Variants in PPIE observed in about 807,000 individuals in gnomAD.
The protein encoded by PPIE is peptidylprolyl isomerase E, also known as peptidyl-prolyl cis-trans isomerase E.
In PPIE, 20 loss-of-function variants were observed where a neutral mutation model predicts 38.4. The observed-to-expected ratio is 0.52, with a 90% CI of 0.37 to 0.76. The LOEUF (loss-of-function observed/expected upper bound fraction) is 0.76. Ranked by LOEUF, PPIE falls within the 30% of genes least tolerant of loss-of-function variation. PPIE has a pLI of 0.00. For missense variants in PPIE, 322 were observed against 385.8 expected (o/e 0.83, Z 1.39); for synonymous variants, 142 against 135.7 (o/e 1.05, Z -0.32).
At chr1:39,738,993 G>A (rs1046395425) in intron 1 of PPIE, 62 bp downstream of exon 1, 2 of 1,378,948 alleles carry the variant, frequency 1.5e-6, no homozygotes, top group Non-Finnish European at 1.9e-6. Flanking sequence ...GTCGGGGCGT[G>A]GGGTGGGACG....
chr1:39,744,955 G>A (rs1318409472), intron 6 of PPIE, among the ~76,000 whole-genome samples: 1 of 152,206 alleles, frequency 6.6e-6, no homozygotes, highest in African/African-American at 2.4e-5. Context: ...GCAGGGCCAG[G>A]CACAGAGGGA....
In PPIE at chr1:39,753,687, A is replaced by C; in HGVS notation, c.*332A>C. The C allele has an allele frequency of 9.0e-7, 1 of 1,109,072 alleles. No homozygotes were observed. The highest frequency in any genetic ancestry group is 3.4e-5 in the South Asian group (1 of 29,166). 68.7% of individuals were successfully genotyped at this position (1,109,072 alleles called of 1,614,324 possible). ...TTACGTGTTTTCTTTGCTAAAATAA[A>C]CCCTAGTTCTTATATTGCTCTTCCT... On this transcript the variant is annotated 3_prime_UTR_variant, in exon 10 of 10. Transcript: ENST00000324379.
Position 39,752,917 on chromosome 1 carries a change from A to G in PPIE, c.702A>G (p.Leu234=), listed in dbSNP as rs373465915. 5.6e-6 allele frequency: 9 copies of G among 1,613,672 alleles called. No individual in the cohort carries two copies. The African/African-American group carries it at 8.0e-5, about 14-fold the overall frequency. Residue 234 remains leucine (L), a synonymous_variant, in exon 9 of 10, where the codon CTA becomes CTG. Transcript: ENST00000324379. ...FILKHTGPGL[L]SMANSGPNTN... is the part of the protein sequence containing the mutation. ...GGTTGTTCTCTCCCTCAGGTCTACT[A>G]TCCATGGCCAACTCTGGCCCAAACA...
At chr1:39,750,707 C>G (rs998680994) in intron 8 of PPIE, among the ~76,000 whole-genome samples, 7 of 152,168 alleles carry the variant, frequency 4.6e-5, no homozygotes, top group African/African-American at 1.7e-4. Flanking sequence ...TCTCCTTTTA[C>G]CTAGATGGCT....
In PPIE at chr1:39,749,051, C is replaced by A. The variant is rs758344472; in HGVS notation, c.657C>A (p.Phe219Leu). The change falls in exon 8 of 10, where the codon TTC becomes TTA. Residue 219 changes from phenylalanine to leucine, a missense_variant. Coordinates refer to ENST00000324379, the MANE Select transcript of PPIE (RefSeq NM_006112.4). Reference sequence around the variant, plus strand: ...GCAAGTCCATCTATGGGAAGAAGTTCGATGATGAAAACTTTATCCTCAAGC... The same window carrying A: ...GCAAGTCCATCTATGGGAAGAAGTTAGATGATGAAAACTTTATCCTCAAGC... ...TGGKSIYGKK[F>L]DDENFILKHT... 1 of 1,609,224 alleles carries A rather than the reference C, an allele frequency of 6.2e-7. No individual in the cohort carries two copies. Among genetic ancestry groups the A allele is most frequent in the Non-Finnish European group, 8.5e-7 (1 of 1,178,468 alleles).
At chr1:39,745,067 G>A (rs1647158843) in intron 6 of PPIE, among the ~76,000 whole-genome samples, 1 of 152,204 alleles carries the variant, frequency 6.6e-6, no homozygotes, top group South Asian at 2.1e-4. Context: ...CCAGAAAAGT[G>A]CTGTTCTGTG....
rs1228751217 is a variant in PPIE at position 39,741,258 on chromosome 1, ACT to A, written c.131-107_131-106del. On this transcript the variant is annotated intron_variant, in intron 2 of 9. Coordinates refer to ENST00000324379, the MANE Select transcript of PPIE (RefSeq NM_006112.4). ...TCTTCCTAAATAGTGATTGGATAGA[ACT>A]TCTGGTGTTTGGATACGACATGTAA... 1.6e-5 allele frequency: 14 copies of A among 882,826 alleles called. No homozygotes were observed. The African/African-American group carries it at 2.3e-4, about 14-fold the overall frequency. The allele number at this position is 882,826 out of a possible 1,614,324, so 54.7% of individuals were successfully genotyped here.
intron 4 of PPIE, 131 bp downstream of exon 4, chr1:39,742,052 A>G: frequency 1.1e-6 from 1 of 885,670 alleles, no homozygotes. Context: ...TCACATGAAA[A>G]TATTCACTGT....
downstream of PPIE, chr1:39,759,124 C>T (rs904414402): frequency 5.3e-5 from 8 of 152,294 alleles, no homozygotes; most frequent in African/African-American, 1.9e-4. Context: ...AATAAACACT[C>T]CAACTCCCAG....
At chr1:39,762,058 G>T (rs1173352992) in intron 9 of PPIE, among the ~76,000 whole-genome samples, 1 of 152,220 alleles carries the variant, frequency 6.6e-6, no homozygotes, top group Non-Finnish European at 1.5e-5. Context: ...TGGCTGGGCT[G>T]GGCCGCCCCA....
intron 7 of PPIE, 167 bp from the exon 8 acceptor site, chr1:39,748,736 A>C: frequency 1.6e-6 from 1 of 640,552 alleles, no homozygotes; most frequent in South Asian, 2.0e-5. Flanking sequence ...ACTCCGTCTC[A>C]AGGAAAAAGA....
downstream of PPIE, chr1:39,757,966 A>C (rs1452402552): frequency 6.6e-6 from 1 of 152,232 alleles, no homozygotes; most frequent in Non-Finnish European, 1.5e-5. Flanking sequence ...AACCAGGAGG[A>C]TCACGGCTCG....
intron 3 of PPIE, 73 bp downstream of exon 3, chr1:39,741,482 C>A: frequency 1.3e-6 from 2 of 1,545,454 alleles, no homozygotes; most frequent in Non-Finnish European, 8.9e-7. Flanking sequence ...AAGCTTTTCA[C>A]CATTTGGTTA....
In PPIE at chr1:39,755,712, G is replaced by A. The variant is rs1648194362; in HGVS notation, c.*2357G>A. The A allele has an allele frequency of 3.0e-6, 3 of 985,314 alleles. No individual in the cohort carries two copies. The highest frequency in any genetic ancestry group is 1.7e-5 in the African/African-American group (1 of 57,238). 61.0% of individuals were successfully genotyped at this position (985,314 alleles called of 1,614,324 possible). On this transcript the variant is annotated 3_prime_UTR_variant, in exon 10 of 10. Transcript: ENST00000324379. ...CTCCCTGATACTCTGGGGAGGTGGA[G>A]GCCAGTGGGCAGTTCTGAAAGCTCA...
Position 39,745,452 on chromosome 1 carries a change from C to T in PPIE, c.462C>T (p.Gly154=), listed in dbSNP as rs1171594743. The T allele has an allele frequency of 6.2e-7, 1 of 1,614,250 alleles. No homozygotes were observed. Among genetic ancestry groups the T allele is most frequent in the South Asian group, 1.1e-5 (1 of 91,080 alleles). Residue 154 remains glycine, a synonymous_variant, in exon 7 of 10, where the codon GGC becomes GGT. Transcript: ENST00000324379. ...MDIKIGNKPA[G]RIQMLLRSDV... The stretch of plus-strand genomic sequence containing the variant: ...TCAAGATTGGGAACAAGCCGGCTGG[C>T]CGCATCCAGATGCTCCTGCGTTCTG...
chr1:39,741,783 A>G (rs1647063911), intron 3 of PPIE, 112 bp from the exon 4 acceptor site: 6 of 1,212,750 alleles, frequency 4.9e-6, no homozygotes, highest in Non-Finnish European at 7.2e-6. Flanking sequence ...AACCTAGGCA[A>G]GAAATACAGA....
chr1:39,763,701 T>A (rs148539665), exon 10 of PPIE: 3 of 1,593,858 alleles, frequency 1.9e-6, no homozygotes, highest in Middle Eastern at 1.8e-4. Context: ...ACAAGAAGAG[T>A]CAGCAATTAC....
Position 39,754,296 on chromosome 1 carries a change from G to A in PPIE, c.*941G>A, listed in dbSNP as rs1375303939. On this transcript the variant is annotated 3_prime_UTR_variant, in exon 10 of 10. Coordinates refer to ENST00000324379, the MANE Select transcript of PPIE (RefSeq NM_006112.4). ...TCTAGAGAAGCAGAACCAATAGGGT[G>A]TGTATATATGTAGAAAGAGATTTAT... is the stretch of plus-strand genomic sequence containing the variant. 6.6e-6 allele frequency among the ~76,000 whole-genome samples: 1 copy of A among 152,192 alleles called. No homozygotes were observed. Among genetic ancestry groups the A allele is most frequent in the Admixed American group, 6.5e-5 (1 of 15,274 alleles).
chr1:39,748,953 A>G lies in PPIE; in HGVS notation c.559A>G (p.Ser187Gly). Residue 187 changes from serine to glycine, a missense_variant, in exon 8 of 10, where the codon AGC becomes GGC. Coordinates refer to ENST00000324379, the MANE Select transcript of PPIE (RefSeq NM_006112.4). ...THEKGFGFKGSSFHRIIPQFM... is the reference protein window; with the variant it reads ...THEKGFGFKGGSFHRIIPQFM... ...TGAAAAGGGCTTTGGCTTTAAGGGA[A>G]GCAGCTTCCACCGCATCATCCCCCA... 1 of 1,614,152 alleles carries G rather than the reference A, an allele frequency of 6.2e-7. No individual in the cohort carries two copies. The highest frequency in any genetic ancestry group is 8.5e-7 in the Non-Finnish European group (1 of 1,180,006).
Sources: gnomAD v4.1 joint callset for allele counts (sites outside exome capture counted in the v4.1 genomes callset) on GRCh38, gnomAD v4.1.1 for gene constraint, MANE v1.5 for transcripts, NCBI Gene and HGNC (gene_info 2026-07-23, HGNC 2026-07-21) for gene names.